The following ERG variants were observed in gnomAD, a reference collection of about 807,000 sequenced individuals.
ERG encodes transcriptional regulator ERG.
In ERG, 9 loss-of-function variants were observed where a neutral mutation model predicts 55.3. The ratio of observed to expected loss-of-function variants is 0.16; its 90% CI spans 0.10 to 0.28. ERG has a LOEUF of 0.28. Among genes scored for constraint, ERG ranks in the 10% least tolerant of loss-of-function variants. The pLI is 1.00. For missense variants in ERG, 434 were observed against 631.6 expected, an observed-to-expected ratio of 0.69 and a Z score of 3.35; for synonymous variants, 223 against 237.3, an observed-to-expected ratio of 0.94 and a Z score of 0.55.
intron 1 of ERG, among the ~76,000 whole-genome samples, chr21:38,578,008 G>T (rs2060005369): frequency 6.6e-6 from 1 of 152,168 alleles, no homozygotes; most frequent in Non-Finnish European, 1.5e-5. Context: ...TCCCCTTCCT[G>T]CCTCCTGAAA....
At chr21:38,431,951 C>G (rs189430061) in intron 2 of ERG, among the ~76,000 whole-genome samples, 1 of 152,242 alleles carries the variant, frequency 6.6e-6, no homozygotes, top group East Asian at 1.9e-4. Context: ...TCCTTACTGG[C>G]TGCCATTGGA....
intron 1 of ERG, among the ~76,000 whole-genome samples, chr21:38,599,090 G>T (rs991105486): frequency 6.6e-6 from 1 of 152,218 alleles, no homozygotes; most frequent in Non-Finnish European, 1.5e-5. Context: ...AGCTACCAGG[G>T]CACAGGGGCT....
chr21:38,478,639 A>G (rs941426671), intron 1 of ERG, among the ~76,000 whole-genome samples: 4 of 152,250 alleles, frequency 2.6e-5, no homozygotes, highest in African/African-American at 9.6e-5. Flanking sequence ...ATGGTCAGTG[A>G]TAAGAGGAAC....
intron 1 of ERG, among the ~76,000 whole-genome samples, chr21:38,643,936 C>T (rs1219248203): frequency 6.6e-6 from 1 of 152,222 alleles, no homozygotes; most frequent in African/African-American, 2.4e-5. Flanking sequence ...TGCCCACAGA[C>T]ACCATCCACT....
At chr21:38,566,488 C>A (rs2836518) in intron 2 of ERG, among the ~76,000 whole-genome samples, 131,266 of 152,174 alleles carry the variant, frequency 0.86, 56,788 homozygotes, top group South Asian at 0.92. Context: ...TAACCCTAAG[C>A]AAAATTATTG....
chr21:38,453,641 G>A (rs1041611913), intron 1 of ERG, among the ~76,000 whole-genome samples: 3 of 152,042 alleles, frequency 2.0e-5, no homozygotes, highest in African/African-American at 7.2e-5. Flanking sequence ...CCAGCATTTT[G>A]GCAGGCCGAG....
chr21:38,565,049 C>A (rs2059914667), intron 2 of ERG, among the ~76,000 whole-genome samples: 1 of 152,198 alleles, frequency 6.6e-6, no homozygotes, highest in South Asian at 2.1e-4. Context: ...TTGCAGATGT[C>A]CCTTTTAGAG....
chr21:38,553,245 T>C (rs2059836161), intron 2 of ERG, among the ~76,000 whole-genome samples: 1 of 152,176 alleles, frequency 6.6e-6, no homozygotes, highest in Non-Finnish European at 1.5e-5. Context: ...ATCAATATTG[T>C]TAAAATGGCC....
chr21:38,460,318 A>G lies in ERG; in HGVS notation c.19-14697T>C, dbSNP rs2059029966. 6.6e-6 allele frequency among the ~76,000 whole-genome samples: 1 copy of G among 152,176 alleles called. No homozygotes were observed. Among genetic ancestry groups the G allele is most frequent in the Non-Finnish European group, 1.5e-5 (1 of 68,028 alleles). On this transcript the variant is annotated intron_variant, in intron 1 of 9. Coordinates refer to ENST00000288319, the MANE Select transcript of ERG (RefSeq NM_182918.4). This position sits in a 1 kb window ranked among gnomAD's most constrained non-coding sequence, Gnocchi z 5.0. ...GAACCTGGGTGTTGACTCAGAGAGAAGTGGAGTCTCTCTAGCCGTCTTGGC... is the reference window on the plus strand; with the variant it reads ...GAACCTGGGTGTTGACTCAGAGAGAGGTGGAGTCTCTCTAGCCGTCTTGGC...
chr21:38,531,837 G>A (rs1339567024), intron 2 of ERG, among the ~76,000 whole-genome samples: 2 of 152,086 alleles, frequency 1.3e-5, no homozygotes, highest in Admixed American at 6.6e-5. Flanking sequence ...AGGGCTTGGC[G>A]AGCTCCAGGA....
At chr21:38,642,721 C>A (rs1000617002) in intron 1 of ERG, among the ~76,000 whole-genome samples, 4 of 152,248 alleles carry the variant, frequency 2.6e-5, no homozygotes, top group African/African-American at 9.6e-5. Flanking sequence ...ACCAGCACCA[C>A]TCCTGATCCC....
chr21:38,639,366 TAA>T lies in ERG; in HGVS notation c.-150+22290_-150+22291del, dbSNP rs57735416. On this transcript the variant is annotated intron_variant, in intron 1 of 10. Transcript: ENST00000398910. ...GGAGCAAAAAGAGATGTTTTAACTTTAAAAAAAAAAACTATCATTAAGATCCT... is the reference window on the plus strand; with the variant it reads ...GGAGCAAAAAGAGATGTTTTAACTTTAAAAAAAAACTATCATTAAGATCCT... Among the ~76,000 whole-genome samples, 275 of 147,624 alleles carry T rather than the reference TAA, an allele frequency of 1.9e-3. 1 individual carries two copies. The highest frequency in any genetic ancestry group is 6.2e-3 in the African/African-American group (249 of 40,390).
chr21:38,660,519 T>G (rs940099723), intron 1 of ERG: 1 of 151,956 alleles, frequency 6.6e-6, no homozygotes, highest in Non-Finnish European at 1.5e-5. Flanking sequence ...GCGCTGGACT[T>G]ACCGAGAGGT....
intron 1 of ERG, among the ~76,000 whole-genome samples, chr21:38,494,160 C>T (rs1022920138): frequency 6.6e-6 from 1 of 152,152 alleles, no homozygotes; most frequent in African/African-American, 2.4e-5. Context: ...GTGAGAGAAG[C>T]GCTATCAGGG....
At chr21:38,386,111 T>C (rs1277436543) in intron 9 of ERG, among the ~76,000 whole-genome samples, 1 of 152,214 alleles carries the variant, frequency 6.6e-6, no homozygotes, top group Non-Finnish European at 1.5e-5. Flanking sequence ...ATGTCTCTCC[T>C]ATTTCTGAAG....
chr21:38,552,764 T>C lies in ERG; in HGVS notation c.-41+22898A>G, dbSNP rs11088434. Among the ~76,000 whole-genome samples the C allele has an allele frequency of 0.011, 1,610 of 151,154 alleles. 51 individuals carry two copies. In the East Asian group the frequency reaches 0.12, roughly 11 times the overall value. ...AAGCTGGAAGCATTCCCCATGAGAA[T>C]TGAAACAAGCTAAGGATGCCCACTC... On this transcript the variant is annotated intron_variant, in intron 2 of 8. Transcript: ENST00000398897.
chr21:38,409,968 T>A (rs151317275), intron 3 of ERG, among the ~76,000 whole-genome samples: 296 of 152,392 alleles, frequency 1.9e-3, no homozygotes, highest in Non-Finnish European at 3.6e-3. Context: ...ACATTGGGAT[T>A]CTTATTCAAC....
rs901237427 is a variant in ERG at position 38,381,841 on chromosome 21, G to A, written c.*1562C>T. The A allele has an allele frequency of 8.7e-5, 92 of 1,063,536 alleles. No homozygotes were observed. The highest frequency in any genetic ancestry group is 9.8e-5 in the Non-Finnish European group (86 of 878,242). 65.9% of individuals were successfully genotyped at this position (1,063,536 alleles called of 1,614,324 possible). On this transcript the variant is annotated 3_prime_UTR_variant, in exon 10 of 10. Coordinates refer to ENST00000288319, the MANE Select transcript of ERG (RefSeq NM_182918.4). Reference sequence around the variant, plus strand: ...AAGGGGCTAGAAATAAAAGACAGGAGGGGAGGCAAGAAGGACCTGGAGAGG... The same window carrying A: ...AAGGGGCTAGAAATAAAAGACAGGAAGGGAGGCAAGAAGGACCTGGAGAGG...
At chr21:38,640,874 T>G (rs931475759) in intron 1 of ERG, among the ~76,000 whole-genome samples, 5 of 152,174 alleles carry the variant, frequency 3.3e-5, no homozygotes, top group African/African-American at 1.2e-4. Context: ...GGGGGCTCTC[T>G]GGGAAAATGG....
Sources: allele counts gnomAD v4.1 joint callset (sites outside exome capture counted in the v4.1 genomes callset), GRCh38; gene constraint gnomAD v4.1.1; non-coding constraint Gnocchi (gnomAD v3.1); transcripts MANE v1.5; gene names NCBI Gene and HGNC (gene_info 2026-07-23, HGNC 2026-07-21).